KRABD5: variants seen among roughly 807,000 people sequenced by gnomAD.
The protein encoded by KRABD5 is KRAB domain-containing protein 5.
the KRABD5 span, among the ~76,000 whole-genome samples, chr16:31,751,736 CT>C: frequency 6.6e-6 from 1 of 152,064 alleles, no homozygotes; most frequent in African/African-American, 2.4e-5. Flanking sequence ...TTTGCTGATG[CT>C]TTGTATGGAA....
chr16:31,740,496 A>G, the KRABD5 span, among the ~76,000 whole-genome samples: 1 of 151,996 alleles, frequency 6.6e-6, no homozygotes, highest in African/African-American at 2.4e-5. Context: ...TTCTCCTTTA[A>G]CTGGTTAAGC....
the KRABD5 span, chr16:31,755,406 C>T: frequency 2.0e-6 from 1 of 496,108 alleles, no homozygotes; most frequent in Non-Finnish European, 4.1e-6. Context: ...TGTGGCAAAG[C>T]CTTTAACTGT....
the KRABD5 span, among the ~76,000 whole-genome samples, chr16:31,733,814 C>A: frequency 6.6e-6 from 1 of 152,170 alleles, no homozygotes; most frequent in South Asian, 2.1e-4. Context: ...ATTTTGATTG[C>A]TTCCAGGTAT....
the KRABD5 span, among the ~76,000 whole-genome samples, chr16:31,740,921 A>C: frequency 1.3e-5 from 2 of 152,168 alleles, no homozygotes; most frequent in African/African-American, 4.8e-5. Flanking sequence ...TGATCCCATC[A>C]TCCAGATAAT....
At chr16:31,755,180 A>G in the KRABD5 span, 1 of 477,612 alleles carries the variant, frequency 2.1e-6, no homozygotes, top group Non-Finnish European at 4.3e-6. Flanking sequence ...GTACCTAACT[A>G]AACATCAGAG....
chr16:31,721,376 A>G, the KRABD5 span, among the ~76,000 whole-genome samples: 1 of 152,060 alleles, frequency 6.6e-6, no homozygotes, highest in African/African-American at 2.4e-5. Context: ...CCTGCTCTGA[A>G]CATTCTTTTT....
the KRABD5 span, chr16:31,714,249 C>G: frequency 2.5e-6 from 1 of 404,046 alleles, no homozygotes. Context: ...ATGTTTCTTG[C>G]TCGAAAGAGG....
At chr16:31,716,014 C>T in the KRABD5 span, among the ~76,000 whole-genome samples, 1 of 152,204 alleles carries the variant, frequency 6.6e-6, no homozygotes, top group Non-Finnish European at 1.5e-5. Context: ...AATTCCCACC[C>T]ACTCTGAACA....
At chr16:31,748,966 A>G in the KRABD5 span, among the ~76,000 whole-genome samples, 1 of 152,208 alleles carries the variant, frequency 6.6e-6, no homozygotes, top group South Asian at 2.1e-4. Context: ...GACCCATTTA[A>G]TGAAGCACTT....
chr16:31,729,323 A>C, the KRABD5 span, among the ~76,000 whole-genome samples: 1 of 151,952 alleles, frequency 6.6e-6, no homozygotes, highest in South Asian at 2.1e-4. Flanking sequence ...AAGGAATACA[A>C]ATTAATTTAG....
the KRABD5 span, among the ~76,000 whole-genome samples, chr16:31,751,769 G>C: frequency 6.6e-3 from 1,005 of 152,240 alleles, 8 homozygotes; most frequent in African/African-American, 0.023. Context: ...AATTAATTCA[G>C]TTATCTGATT....
At chr16:31,752,978 A>G in the KRABD5 span, among the ~76,000 whole-genome samples, 2 of 152,024 alleles carry the variant, frequency 1.3e-5, no homozygotes, top group Admixed American at 6.6e-5. Flanking sequence ...ATTCACTTTC[A>G]TTTTGGTCCC....
the KRABD5 span, among the ~76,000 whole-genome samples, chr16:31,715,950 A>AAAGGGAAG: frequency 1.3e-5 from 2 of 152,194 alleles, no homozygotes; most frequent in African/African-American, 4.8e-5. Flanking sequence ...CTGAGGACAG[A>AAAGGGAAG]AAGGGAAGAA....
chr16:31,751,319 G>T, the KRABD5 span, among the ~76,000 whole-genome samples: 1 of 152,100 alleles, frequency 6.6e-6, no homozygotes, highest in East Asian at 1.9e-4. Context: ...GAAAGGGGAG[G>T]AGTCCCTTCT....
the KRABD5 span, among the ~76,000 whole-genome samples, chr16:31,744,151 C>A: frequency 1.3e-5 from 2 of 152,160 alleles, no homozygotes; most frequent in Non-Finnish European, 2.9e-5. Flanking sequence ...CCAGAACTTT[C>A]AATACTGTGT....
the KRABD5 span, chr16:31,714,496 A>G: frequency 2.2e-6 from 1 of 450,246 alleles, no homozygotes; most frequent in Non-Finnish European, 4.5e-6. Context: ...ATCCTGGGGT[A>G]GGTTTTAGAG....
chr16:31,716,323 C>T, the KRABD5 span, among the ~76,000 whole-genome samples: 1 of 152,222 alleles, frequency 6.6e-6, no homozygotes, highest in African/African-American at 2.4e-5. Context: ...AGTCCTTCCA[C>T]CAGTTCTGCA....
the KRABD5 span, among the ~76,000 whole-genome samples, chr16:31,751,938 A>T: frequency 6.6e-6 from 1 of 152,104 alleles, no homozygotes; most frequent in Non-Finnish European, 1.5e-5. Flanking sequence ...TGTCCCAAAG[A>T]TTTTGGTATG....
At chr16:31,728,847 C>T in the KRABD5 span, among the ~76,000 whole-genome samples, 1 of 152,084 alleles carries the variant, frequency 6.6e-6, no homozygotes, top group Non-Finnish European at 1.5e-5. Context: ...AATTTTGTGC[C>T]TGAATGATCT....
Sources: allele counts gnomAD v4.1 joint callset (sites outside exome capture counted in the v4.1 genomes callset), GRCh38; gene constraint gnomAD v4.1.1; transcripts MANE v1.5; gene names NCBI Gene and HGNC (gene_info 2026-07-23, HGNC 2026-07-21).